Variants in EIF5B observed in about 807,000 individuals in gnomAD.
EIF5B encodes the protein eIF-5B.
Under a neutral mutation model 147.5 loss-of-function variants are expected in EIF5B, and 47 were observed. The ratio of observed to expected loss-of-function variants is 0.32; its 90% CI spans 0.25 to 0.41. EIF5B has a LOEUF of 0.41. EIF5B is among the 10% of genes least tolerant of loss of function. The pLI, the probability that EIF5B is intolerant of heterozygous loss-of-function variation, is 1.00. For missense variants in EIF5B, 1,064 were observed against 1,413.2 expected, an observed-to-expected ratio of 0.75 and a Z score of 3.96; for synonymous variants, 455 against 456.2, an observed-to-expected ratio of 1.00 and a Z score of 0.03.
intron 15 of EIF5B, 50 bp downstream of exon 15, chr2:99,389,899 A>G (rs943189813): frequency 7.1e-6 from 11 of 1,542,146 alleles, no homozygotes; most frequent in Admixed American, 2.2e-5. Context: ...AATATGTATT[A>G]TATTATCTTT....
intron 1 of EIF5B, 54 bp from the exon 2 acceptor site, chr2:99,360,182 G>A: frequency 1.5e-5 from 23 of 1,543,124 alleles, no homozygotes; most frequent in Non-Finnish European, 2.0e-5. Flanking sequence ...CTATATAAAT[G>A]AATGATTATT....
intron 1 of EIF5B, among the ~76,000 whole-genome samples, chr2:99,354,010 C>T (rs1182672854): frequency 6.6e-6 from 1 of 152,192 alleles, no homozygotes; most frequent in Non-Finnish European, 1.5e-5. Flanking sequence ...ACAGATTTCT[C>T]CATGAACATA....
chr2:99,384,527 G>T (rs970200808), intron 14 of EIF5B, among the ~76,000 whole-genome samples: 16 of 152,234 alleles, frequency 1.1e-4, no homozygotes, highest in Non-Finnish European at 1.9e-4. Flanking sequence ...GGCTATAGCT[G>T]CCATAGATCG....
Position 99,364,285 on chromosome 2 carries a change from A to G in EIF5B, c.1152A>G (p.Gln384=). 6.2e-7 allele frequency: 1 copy of G among 1,600,094 alleles called. No homozygotes were observed. Among genetic ancestry groups the G allele is most frequent in the South Asian group, 1.1e-5 (1 of 88,162 alleles). ...AKRKEEERLE[Q]EKRERKKQKE... Reference sequence around the variant, plus strand: ...CTCTTTTATAGGAACGATTGGAACAAGAAAAAAGAGAAAGGAAAAAGCAAA... The same window carrying G: ...CTCTTTTATAGGAACGATTGGAACAGGAAAAAAGAGAAAGGAAAAAGCAAA... Residue 384 remains glutamine (Q), a synonymous_variant, in exon 6 of 24, where the codon CAA becomes CAG. Transcript: ENST00000289371.
intron 8 of EIF5B, among the ~76,000 whole-genome samples, chr2:99,371,417 G>A (rs1485213148): frequency 6.6e-6 from 1 of 151,074 alleles, no homozygotes; most frequent in Non-Finnish European, 1.5e-5. Context: ...GAACCCGGAA[G>A]GCGGAGCTTG....
Position 99,400,576 on chromosome 2 carries a change from A to AAAG in EIF5B, c.*1163_*1165dup, listed in dbSNP as rs1675236637. 1 of 152,184 alleles carries AAAG rather than the reference A, an allele frequency of 6.6e-6. No homozygotes were observed. Among genetic ancestry groups the AAAG allele is most frequent in the African/African-American group, 2.4e-5 (1 of 41,446 alleles). The allele number at this position is 152,184 out of a possible 1,614,324, so 9.4% of individuals were successfully genotyped here. ...ATCTATACCGTTCTTTTTTATCATC[A>AAAG]AAGTTTCTCAATGGCCAGTAGAAGC... On this transcript the variant is annotated 3_prime_UTR_variant, in exon 24 of 24. Transcript: ENST00000289371.
chr2:99,377,860 C>G (rs1203745932), intron 10 of EIF5B, among the ~76,000 whole-genome samples: 1 of 152,184 alleles, frequency 6.6e-6, no homozygotes, highest in Non-Finnish European at 1.5e-5. Context: ...CACTCCATTC[C>G]TGGGTCAGAA....
rs759059179 is a variant in EIF5B at position 99,398,773 on chromosome 2, G to T, written c.3419G>T (p.Ser1140Ile). ...KNFVDIGIVTSIEINHKQVDV... is the reference protein window; with the variant it reads ...KNFVDIGIVTIIEINHKQVDV... ...TTTGTTGACATCGGAATAGTAACAAGTATTGAAATAAACCATAAACAAGTG... is the reference window on the plus strand; with the variant it reads ...TTTGTTGACATCGGAATAGTAACAATTATTGAAATAAACCATAAACAAGTG... Residue 1140 changes from serine (S) to isoleucine (I), a missense_variant, in exon 23 of 24, where the codon AGT becomes ATT. Physicochemically the swap from Ser to Ile is moderately radical, Grantham distance 142 (BLOSUM62 -2). Coordinates refer to ENST00000289371, the MANE Select transcript of EIF5B (RefSeq NM_015904.4). 1 of 1,613,426 alleles carries T rather than the reference G, an allele frequency of 6.2e-7. No individual in the cohort carries two copies. Among genetic ancestry groups the T allele is most frequent in the African/African-American group, 1.3e-5 (1 of 74,984 alleles).
chr2:99,358,144 A>G (rs182786142), intron 1 of EIF5B, among the ~76,000 whole-genome samples: 12 of 152,002 alleles, frequency 7.9e-5, no homozygotes, highest in Admixed American at 5.9e-4. Flanking sequence ...TGCAGCCTCA[A>G]CCTCCTGGGC....
chr2:99,369,515 A>G (rs756055264), intron 8 of EIF5B, 34 bp downstream of exon 8: 1 of 1,513,806 alleles, frequency 6.6e-7, no homozygotes, highest in East Asian at 2.3e-5. Flanking sequence ...TAATTAGTGA[A>G]TTCTTATTAA....
In EIF5B at chr2:99,381,516, GGGGTGT is replaced by G. The variant is rs938448230; in HGVS notation, c.2062-641_2062-636del. Reference sequence around the variant, plus strand: ...ATGTAGATAAGCATAATACAAAAAGGGGGTGTGTGTGTGTGTGTGTGTGTGTGTGTG... The same window carrying G: ...ATGTAGATAAGCATAATACAAAAAGGGTGTGTGTGTGTGTGTGTGTGTGTG... On this transcript the variant is annotated intron_variant, in intron 12 of 23. Coordinates refer to ENST00000289371, the MANE Select transcript of EIF5B (RefSeq NM_015904.4). Among the ~76,000 whole-genome samples, 121 of 134,784 alleles carry G rather than the reference GGGGTGT, an allele frequency of 9.0e-4. 1 individual carries two copies. The highest frequency in any genetic ancestry group is 1.8e-3 in the South Asian group (7 of 3,866). The allele number at this position is 134,784 out of a possible 152,430, so 88.4% of individuals were successfully genotyped here. A position where few individuals can be genotyped will look rare whatever the true frequency, so the allele number is the denominator to read the frequency against.
intron 14 of EIF5B, among the ~76,000 whole-genome samples, chr2:99,385,892 T>C (rs1387872198): frequency 6.6e-6 from 1 of 152,242 alleles, no homozygotes; most frequent in Non-Finnish European, 1.5e-5. Flanking sequence ...CTGCCCTCCC[T>C]AAACTCAAGC....
At chr2:99,356,050 C>T (rs548700651) in intron 1 of EIF5B, among the ~76,000 whole-genome samples, 3 of 152,282 alleles carry the variant, frequency 2.0e-5, no homozygotes, top group East Asian at 1.9e-4. Context: ...TTTCAGTCAA[C>T]GAATCAATAT....
chr2:99,371,436 C>T (rs1345122717), intron 8 of EIF5B, among the ~76,000 whole-genome samples: 3 of 149,226 alleles, frequency 2.0e-5, no homozygotes, highest in Admixed American at 6.7e-5. Flanking sequence ...TGCAGTGAGC[C>T]GAGATCACGC....
intron 22 of EIF5B, chr2:99,398,343 C>G (rs533131378): frequency 6.3e-6 from 1 of 157,578 alleles, no homozygotes; most frequent in Non-Finnish European, 1.4e-5. Flanking sequence ...GGCCATCATT[C>G]TTAAAATTTC....
intron 10 of EIF5B, among the ~76,000 whole-genome samples, chr2:99,378,241 T>G (rs1392722122): frequency 6.6e-6 from 1 of 152,248 alleles, no homozygotes; most frequent in Non-Finnish European, 1.5e-5. Flanking sequence ...AAAAATAGTT[T>G]TGTAAATGAC....
intron 1 of EIF5B, among the ~76,000 whole-genome samples, chr2:99,344,840 C>T (rs1381527325): frequency 6.6e-6 from 1 of 152,196 alleles, no homozygotes; most frequent in Non-Finnish European, 1.5e-5. Context: ...GTCCATCACC[C>T]AGGTTCAAAT....
In EIF5B at chr2:99,371,729, A is replaced by T; in HGVS notation, c.1551A>T (p.Lys517Asn). ...EAMASDEETE[K>N]VEGNKVHIEV... ...TGGCCAGTGATGAGGAGACAGAAAAAGGTGAATACCTCATAAGCACACACT... is the reference window on the plus strand; with the variant it reads ...TGGCCAGTGATGAGGAGACAGAAAATGGTGAATACCTCATAAGCACACACT... Residue 517 changes from lysine (K) to asparagine (N), a missense_variant and splice_region_variant, in exon 9 of 24, where the codon AAA (lysine) becomes AAT (asparagine). By Grantham distance (94) the Lys-to-Asn change is moderately conservative. Coordinates refer to ENST00000289371, the MANE Select transcript of EIF5B (RefSeq NM_015904.4). 6.2e-7 allele frequency: 1 copy of T among 1,612,294 alleles called. No individual in the cohort carries two copies.
rs1384488336 is a variant in EIF5B, at chr2:99,368,605, A to C, written c.1387+14A>C. 1.9e-6 allele frequency: 3 copies of C among 1,566,428 alleles called. 1 individual carries two copies. The highest frequency in any genetic ancestry group is 2.2e-5 in the South Asian group (2 of 89,490). On this transcript the variant is annotated intron_variant, in intron 7 of 23. Transcript: ENST00000289371. Reference sequence around the variant, plus strand: ...AAAGTAAAGAAGGTTTGTATACAAAATAGCCTCTAATTTAGGAAATATGTT... The same window carrying C: ...AAAGTAAAGAAGGTTTGTATACAAACTAGCCTCTAATTTAGGAAATATGTT...
Sources: allele counts gnomAD v4.1 joint callset (sites outside exome capture counted in the v4.1 genomes callset), GRCh38; gene constraint gnomAD v4.1.1; transcripts MANE v1.5; gene names NCBI Gene and HGNC (gene_info 2026-07-23, HGNC 2026-07-21).